The following DNAH2 variants were observed in gnomAD, a reference collection of about 807,000 sequenced individuals.
The protein encoded by DNAH2 is axonemal beta dynein heavy chain 2.
DNAH2 carries 323 observed loss-of-function variants against 523.5 expected under a neutral mutation model. That is an observed-to-expected ratio of 0.62 (90% CI 0.56 to 0.68). DNAH2 has a LOEUF of 0.68. DNAH2 is among the 30% of genes least tolerant of loss of function. DNAH2 has a pLI of 0.00. For missense variants in DNAH2, 4,907 were observed against 5,701.5 expected, an observed-to-expected ratio of 0.86 and a Z score of 4.49; for synonymous variants, 2,093 against 2,177.4, an observed-to-expected ratio of 0.96 and a Z score of 1.08.
At chr17:7,744,293 CA>C (rs397977899) in intron 12 of DNAH2, among the ~76,000 whole-genome samples, 2,409 of 37,136 alleles carry the variant, frequency 0.065, 20 homozygotes, top group African/African-American at 0.13. Flanking sequence ...GTCTCCGTCT[CA>C]AAAAAAAAAA....
In DNAH2 at chr17:7,754,097, G is replaced by T. The variant is rs192738258; in HGVS notation, c.1905-2994G>T. Reference sequence around the variant, plus strand: ...GAGCCAGGTCTCAGGGATGAGGAGGGAATGGGAAGAAAAGAGTGACGGGGA... The same window carrying T: ...GAGCCAGGTCTCAGGGATGAGGAGGTAATGGGAAGAAAAGAGTGACGGGGA... On this transcript the variant is annotated intron_variant, in intron 12 of 85. Coordinates refer to ENST00000572933, the MANE Select transcript of DNAH2 (RefSeq NM_020877.5). This position sits in a 1 kb window ranked among gnomAD's most constrained non-coding sequence, Gnocchi z 4.6. 3.4e-3 allele frequency among the ~76,000 whole-genome samples: 524 copies of T among 152,218 alleles called. 8 individuals are homozygous for T. Among genetic ancestry groups the T allele is most frequent in the Admixed American group, 5.3e-3 (81 of 15,274 alleles).
intron 11 of DNAH2, among the ~76,000 whole-genome samples, chr17:7,742,103 C>T (rs1443785976): frequency 1.3e-5 from 2 of 152,112 alleles, no homozygotes; most frequent in African/African-American, 4.8e-5. Flanking sequence ...TCTGGAAAGA[C>T]AGCACAAAGA....
In DNAH2 at chr17:7,819,218, C is replaced by T. The variant is rs1380900895; in HGVS notation, c.10825C>T (p.Pro3609Ser). The T allele has an allele frequency of 6.2e-7, 1 of 1,613,740 alleles. No individual in the cohort carries two copies. The highest frequency in any genetic ancestry group is 8.5e-7 in the Non-Finnish European group (1 of 1,180,042). The change falls in exon 72 of 86, where the codon CCA becomes TCA. Residue 3609 changes from proline to serine, a missense_variant. Coordinates refer to ENST00000572933, the MANE Select transcript of DNAH2 (RefSeq NM_020877.5). ...CCATCCCCACCGGCAGGCTTACCGCCCATGCGCCCAGCGGGCATCAATCCT... is the reference window on the plus strand; with the variant it reads ...CCATCCCCACCGGCAGGCTTACCGCTCATGCGCCCAGCGGGCATCAATCCT... ...NTDLAREAYRPCAQRASILFF... is the reference protein window; with the variant it reads ...NTDLAREAYRSCAQRASILFF...
At chr17:7,743,442 C>T (rs1161401071) in intron 12 of DNAH2, 4 of 673,718 alleles carry the variant, frequency 5.9e-6, no homozygotes, top group Admixed American at 4.5e-5. Flanking sequence ...GAGGTGGGCG[C>T]ATCGCTTGAG....
At chr17:7,820,856 T>C (rs1347560353) in intron 72 of DNAH2, among the ~76,000 whole-genome samples, 1 of 152,128 alleles carries the variant, frequency 6.6e-6, no homozygotes, top group Non-Finnish European at 1.5e-5. Context: ...ACTGCCAACA[T>C]GGTGAAACCC....
Position 7,792,783 on chromosome 17 carries a change from C to T in DNAH2, c.7272C>T (p.Ser2424=), listed in dbSNP as rs1468386095. 2 of 1,614,080 alleles carry T rather than the reference C, an allele frequency of 1.2e-6. No individual in the cohort carries two copies. Among genetic ancestry groups the T allele is most frequent in the African/African-American group, 1.3e-5 (1 of 74,932 alleles). The change falls in exon 47 of 86, where the codon TCC becomes TCT. Residue 2424 remains serine (S), a synonymous_variant. Transcript: ENST00000572933. ...GTCCCGTGGGGACTGGGAAGACCTCCATCGCCCAGAGCGTTCTGCAGTCCC... is the reference window on the plus strand; with the variant it reads ...GTCCCGTGGGGACTGGGAAGACCTCTATCGCCCAGAGCGTTCTGCAGTCCC... The part of the protein sequence containing the change: ...LVGPVGTGKT[S]IAQSVLQSLP...
Position 7,717,952 on chromosome 17 carries a change from G to A in DNAH2, c.-862G>A, listed in dbSNP as rs2074469077. 1 of 140,818 alleles carries A rather than the reference G, an allele frequency of 7.1e-6. No individual in the cohort carries two copies. The highest frequency in any genetic ancestry group is 7.3e-5 in the Admixed American group (1 of 13,606). 8.7% of individuals were successfully genotyped at this position (140,818 alleles called of 1,614,324 possible). On this transcript the variant is annotated 5_prime_UTR_variant, in exon 1 of 86. Coordinates refer to ENST00000572933, the MANE Select transcript of DNAH2 (RefSeq NM_020877.5). ...CAGTTGTGGAGGGAGAGGGAGCAAG[G>A]AATATTTGTGTGGGGGAGGGGGAGG...
At position 7,830,919 on chromosome 17, in the gene DNAH2, T is replaced by C. The variant is rs187141389; in HGVS notation, c.12230+77T>C. 5.1e-4 allele frequency: 811 copies of C among 1,583,128 alleles called. 1 individual carries two copies. Among genetic ancestry groups the C allele is most frequent in the Non-Finnish European group, 6.4e-4 (742 of 1,159,540 alleles). On this transcript the variant is annotated intron_variant, in intron 79 of 85. Coordinates refer to ENST00000572933, the MANE Select transcript of DNAH2 (RefSeq NM_020877.5). ...GTGGTGGGATCAGGGGTGGGGGTAA[T>C]GTTTGAGGAGAGGACGTGAGATTGG...
rs766857658 is a variant in DNAH2, at chr17:7,833,360, C to G, written c.13130-19C>G. 1.9e-6 allele frequency: 3 copies of G among 1,613,220 alleles called. No individual in the cohort carries two copies. Among genetic ancestry groups the G allele is most frequent in the South Asian group, 1.1e-5 (1 of 91,040 alleles). On this transcript the variant is annotated intron_variant, in intron 85 of 85. Transcript: ENST00000572933. ...CCCGGAGGCTCCAGGGGTCTGACTT[C>G]TCCTCTCCTTTCCCCCAGGCATGTA...
At chr17:7,816,496 C>T in intron 63 of DNAH2, 75 bp from the exon 64 acceptor site, 1 of 1,535,088 alleles carries the variant, frequency 6.5e-7, no homozygotes, top group South Asian at 1.2e-5. Flanking sequence ...TACAAAATGG[C>T]AGAGTCATGA....
At chr17:7,723,175 T>TGC (rs2074679602) in intron 2 of DNAH2, among the ~76,000 whole-genome samples, 2 of 151,326 alleles carry the variant, frequency 1.3e-5, no homozygotes, top group South Asian at 2.1e-4. Context: ...TTTCACCGTA[T>TGC]TAGTCAGGAT....
intron 7 of DNAH2, 137 bp from the exon 8 acceptor site, chr17:7,736,930 T>C (rs1451349018): frequency 2.4e-5 from 18 of 737,460 alleles, no homozygotes; most frequent in Non-Finnish European, 3.6e-5. Context: ...TGCAGTGAGC[T>C]GAGATCGCGC....
At chr17:7,826,438 A>T (rs1349535665) in intron 77 of DNAH2, among the ~76,000 whole-genome samples, 1 of 152,168 alleles carries the variant, frequency 6.6e-6, no homozygotes. Flanking sequence ...CCAGTCTTTT[A>T]AAAAAGCTAG....
In DNAH2 at chr17:7,832,864, A is replaced by G. The variant is rs2078224011; in HGVS notation, c.12914A>G (p.Asp4305Gly). 1 of 1,614,090 alleles carries G rather than the reference A, an allele frequency of 6.2e-7. No individual in the cohort carries two copies. Among genetic ancestry groups the G allele is most frequent in the Non-Finnish European group, 8.5e-7 (1 of 1,180,040 alleles). ...ACCTTCAACCCCCAGGTTTCAGTGGACAGCCTCTCCTGGGAGTTTATCGTT... is the reference window on the plus strand; with the variant it reads ...ACCTTCAACCCCCAGGTTTCAGTGGGCAGCCTCTCCTGGGAGTTTATCGTT... ...SSARQNNVSV[D>G]SLSWEFIVST... The change falls in exon 84 of 86, where the codon GAC becomes GGC. Residue 4305 changes from aspartate to glycine, a missense_variant. Around this residue, in one of 3 missense-constraint regions of DNAH2, gnomAD observed 1,851 missense variants for 2,139.4 expected, o/e 0.87. Coordinates refer to ENST00000572933, the MANE Select transcript of DNAH2 (RefSeq NM_020877.5). The surrounding 1 kb of genome is among the most constrained non-coding windows in gnomAD (Gnocchi z 4.3).
At position 7,830,806 on chromosome 17, in the gene DNAH2, ATTTCTGTGACCAG is replaced by A; in HGVS notation, c.12196_12208del (p.Phe4066LeufsTer92). 1 of 1,614,000 alleles carries A rather than the reference ATTTCTGTGACCAG, an allele frequency of 6.2e-7. No individual in the cohort carries two copies. Among genetic ancestry groups the A allele is most frequent in the East Asian group, 2.2e-5 (1 of 44,884 alleles). ...CTGCTGACCACCTACATCAATGATT[ATTTCTGTGACCAG>A]TCTCTATCAACTCCCTTCCACCGGT... is the stretch of plus-strand genomic sequence containing the variant. On this transcript the variant is annotated frameshift_variant, in exon 79 of 86. Coordinates refer to ENST00000572933, the MANE Select transcript of DNAH2 (RefSeq NM_020877.5). LOFTEE classifies it high-confidence loss of function.
chr17:7,775,411 C>A, intron 30 of DNAH2, 69 bp downstream of exon 30: 1 of 1,442,744 alleles, frequency 6.9e-7, no homozygotes, highest in Admixed American at 2.0e-5. Flanking sequence ...CTGGGTCGGG[C>A]GCAGTGGCTC....
intron 77 of DNAH2, among the ~76,000 whole-genome samples, chr17:7,827,634 C>T (rs1345723732): frequency 1.3e-5 from 2 of 151,930 alleles, no homozygotes; most frequent in Non-Finnish European, 2.9e-5. Flanking sequence ...TTTGTAGAGA[C>T]GGGGTTTCAC....
chr17:7,819,434 CA>C (rs780375433), intron 72 of DNAH2, 26 bp downstream of exon 72: 10 of 1,613,530 alleles, frequency 6.2e-6, no homozygotes, highest in Non-Finnish European at 6.8e-6. Flanking sequence ...CAACATGCCC[CA>C]GCCCGGAGGC....
rs964915326 is a variant in DNAH2, at chr17:7,734,040, A to G, written c.629-143A>G. The G allele has an allele frequency of 4.4e-6, 3 of 680,908 alleles. 1 individual carries two copies. The highest frequency in any genetic ancestry group is 7.4e-6 in the Non-Finnish European group (3 of 407,894). The allele number at this position is 680,908 out of a possible 1,614,324, so 42.2% of individuals were successfully genotyped here. The stretch of plus-strand genomic sequence containing the variant: ...CCTTTGGTCATTTCTTGATATCAAA[A>G]AAGCATGAGTCACCATTTCTTCTAC... On this transcript the variant is annotated intron_variant, in intron 5 of 85. Transcript: ENST00000572933.
Sources: gnomAD v4.1 joint callset for allele counts (sites outside exome capture counted in the v4.1 genomes callset) on GRCh38, gnomAD v4.1.1 for gene constraint, gnomAD v4.1.1 regional missense constraint, Gnocchi (gnomAD v3.1) non-coding constraint, MANE v1.5 for transcripts, NCBI Gene and HGNC (gene_info 2026-07-23, HGNC 2026-07-21) for gene names.